The following ETV6 variants were observed in gnomAD, a reference collection of about 807,000 sequenced individuals.
ETV6 encodes the protein transcription factor ETV6.
In ETV6, 16 loss-of-function variants were observed where a neutral mutation model predicts 51.1. The observed-to-expected ratio is 0.31, with a 90% CI of 0.21 to 0.48. The LOEUF is 0.48. ETV6 is among the 20% of genes least tolerant of loss of function. ETV6 has a pLI of 0.99. For missense variants in ETV6, 458 were observed against 594.8 expected, an observed-to-expected ratio of 0.77 and a Z score of 2.39; for synonymous variants, 240 against 224.1, an observed-to-expected ratio of 1.07 and a Z score of -0.64.
chr12:11,842,576 G>A (rs749089609), intron 3 of ETV6, among the ~76,000 whole-genome samples: 11 of 152,196 alleles, frequency 7.2e-5, no homozygotes, highest in Non-Finnish European at 1.2e-4. Context: ...GCTTCCAGGT[G>A]GCACTCAACA....
At position 11,650,151 on chromosome 12, in the gene ETV6, T is replaced by C. The variant is rs1286400353; in HGVS notation, c.24T>C (p.Cys8=). 1.2e-6 allele frequency: 2 copies of C among 1,613,644 alleles called. No individual in the cohort carries two copies. The highest frequency in any genetic ancestry group is 1.7e-4 in the Middle Eastern group (1 of 6,048). The change falls in exon 1 of 8, where the codon TGT becomes TGC. Residue 8 remains cysteine (C), a synonymous_variant. Coordinates refer to ENST00000396373, the MANE Select transcript of ETV6 (RefSeq NM_001987.5). MSETPAQ[C]SIKQERISYT... ...ACATGTCTGAGACTCCTGCTCAGTGTAGCATTAAGGTAAAAATCTTCTCCC... is the reference window on the plus strand; with the variant it reads ...ACATGTCTGAGACTCCTGCTCAGTGCAGCATTAAGGTAAAAATCTTCTCCC...
intron 5 of ETV6, among the ~76,000 whole-genome samples, chr12:11,870,812 C>A (rs1183180241): frequency 6.6e-6 from 1 of 152,158 alleles, no homozygotes; most frequent in Non-Finnish European, 1.5e-5. Flanking sequence ...AAGGTGAAAA[C>A]CACTAAGATA....
intron 3 of ETV6, among the ~76,000 whole-genome samples, chr12:11,840,014 T>C (rs1946367578): frequency 2.0e-5 from 3 of 151,710 alleles, no homozygotes. Context: ...GAAAAGAAAA[T>C]AGAACTGGGG....
At chr12:11,853,693 T>G in intron 4 of ETV6, 132 bp downstream of exon 4, 1 of 1,025,216 alleles carries the variant, frequency 9.8e-7, no homozygotes, top group Non-Finnish European at 1.4e-6. Flanking sequence ...GAGTGCTTAC[T>G]ATGTACAAAA....
intron 5 of ETV6, among the ~76,000 whole-genome samples, chr12:11,879,601 A>G (rs1565565138): frequency 6.6e-6 from 1 of 152,226 alleles, no homozygotes; most frequent in African/African-American, 2.4e-5. Context: ...AGGAGAGGGA[A>G]CTATACTTGG....
At chr12:11,735,880 G>A (rs374541105) in intron 1 of ETV6, among the ~76,000 whole-genome samples, 1 of 152,244 alleles carries the variant, frequency 6.6e-6, no homozygotes, top group Non-Finnish European at 1.5e-5. Flanking sequence ...GATTACAGGC[G>A]TGAACCATCG....
intron 2 of ETV6, among the ~76,000 whole-genome samples, chr12:11,790,884 G>A (rs182954133): frequency 6.6e-6 from 1 of 152,084 alleles, no homozygotes; most frequent in Admixed American, 6.5e-5. Flanking sequence ...CACCATGTTG[G>A]CCAGCATGTG....
At chr12:11,770,412 G>T (rs990009619) in intron 2 of ETV6, among the ~76,000 whole-genome samples, 3 of 152,074 alleles carry the variant, frequency 2.0e-5, no homozygotes, top group African/African-American at 7.2e-5. Flanking sequence ...CATGTTAAAG[G>T]AAGCCAGATA....
intron 1 of ETV6, among the ~76,000 whole-genome samples, chr12:11,734,900 A>G (rs1425205277): frequency 6.6e-6 from 1 of 152,170 alleles, no homozygotes; most frequent in East Asian, 1.9e-4. Flanking sequence ...GAATGAAGAC[A>G]TCTAAGGAAA....
chr12:11,662,707 G>A (rs1864122000), intron 1 of ETV6, among the ~76,000 whole-genome samples: 2 of 152,170 alleles, frequency 1.3e-5, no homozygotes, highest in African/African-American at 2.4e-5. Flanking sequence ...TGGATGACTT[G>A]CAGGGCTGAG....
chr12:11,870,055 G>A (rs1565560490), intron 5 of ETV6, 86 bp downstream of exon 5: 8 of 1,461,572 alleles, frequency 5.5e-6, no homozygotes, highest in South Asian at 2.7e-5. Flanking sequence ...AGCCAGCCTC[G>A]CACCATTCCC....
intron 1 of ETV6, among the ~76,000 whole-genome samples, chr12:11,742,654 T>C (rs1452890772): frequency 6.6e-6 from 1 of 152,166 alleles, no homozygotes; most frequent in East Asian, 1.9e-4. Context: ...AAAGACAAGT[T>C]TAATTCTTAA....
chr12:11,812,845 CA>C (rs1945934235), intron 2 of ETV6, among the ~76,000 whole-genome samples: 2 of 152,178 alleles, frequency 1.3e-5, no homozygotes, highest in Admixed American at 1.3e-4. Context: ...TTCACCACCA[CA>C]AGGGGAAATA....
At chr12:11,697,272 C>T (rs377036290) in intron 1 of ETV6, among the ~76,000 whole-genome samples, 53 of 152,114 alleles carry the variant, frequency 3.5e-4, no homozygotes, top group East Asian at 1.3e-3. Context: ...AGGAGCCACC[C>T]GAGAACTCCT....
intron 1 of ETV6, chr12:11,750,792 C>CTTTTTTTTTTTTTTTTTTTTT (rs6144613): frequency 2.8e-6 from 1 of 361,496 alleles, no homozygotes; most frequent in Non-Finnish European, 5.0e-6. Context: ...TATGTGTGGG[C>CTTTTTTTTTTTTTTTTTTTTT]TTTTTTTTTT....
At chr12:11,827,254 T>A (rs928645399) in intron 2 of ETV6, among the ~76,000 whole-genome samples, 6 of 152,158 alleles carry the variant, frequency 3.9e-5, no homozygotes, top group Non-Finnish European at 8.8e-5. Context: ...CGCGAAATGC[T>A]GAATCAGCAG....
intron 2 of ETV6, among the ~76,000 whole-genome samples, chr12:11,828,651 C>T (rs1946196652): frequency 6.6e-6 from 1 of 152,094 alleles, no homozygotes; most frequent in African/African-American, 2.4e-5. Context: ...TATTTGTGTC[C>T]ATGTGCCTGT....
intron 2 of ETV6, among the ~76,000 whole-genome samples, chr12:11,813,803 T>C (rs987738750): frequency 6.6e-6 from 1 of 152,234 alleles, no homozygotes; most frequent in African/African-American, 2.4e-5. Context: ...TCTTCCACTT[T>C]ATTTAAGAAG....
At chr12:11,822,314 T>A (rs1196973498) in intron 2 of ETV6, among the ~76,000 whole-genome samples, 2 of 152,194 alleles carry the variant, frequency 1.3e-5, no homozygotes, top group Non-Finnish European at 2.9e-5. Flanking sequence ...CCAGGTGAGA[T>A]GATCATTCAG....
Sources: gnomAD v4.1 joint callset for allele counts (sites outside exome capture counted in the v4.1 genomes callset) on GRCh38, gnomAD v4.1.1 for gene constraint, MANE v1.5 for transcripts, NCBI Gene and HGNC (gene_info 2026-07-23, HGNC 2026-07-21) for gene names.